Variants in AK5 observed in about 807,000 individuals in gnomAD.
AK5 encodes adenylate kinase isoenzyme 5.
A neutral mutation model predicts 69.5 loss-of-function variants in AK5; 27 were observed. The ratio of observed to expected loss-of-function variants is 0.39; its 90% CI spans 0.29 to 0.54. The LOEUF (loss-of-function observed/expected upper bound fraction) is 0.54, where lower values mean the gene tolerates loss of function less well. Among genes scored for constraint, AK5 ranks in the 20% least tolerant of loss-of-function variants. The pLI is 0.71. For synonymous variants in AK5, 260 were observed against 244.4 expected, an observed-to-expected ratio of 1.06 and a Z score of -0.60; for missense variants, 531 against 700.4, an observed-to-expected ratio of 0.76 and a Z score of 2.73.
intron 8 of AK5, among the ~76,000 whole-genome samples, chr1:77,436,072 A>G (rs2100622822): frequency 6.6e-6 from 1 of 152,300 alleles, no homozygotes; most frequent in East Asian, 1.9e-4. Flanking sequence ...TGTTATTTTG[A>G]AAAATTATTC....
intron 10 of AK5, among the ~76,000 whole-genome samples, chr1:77,497,046 C>T (rs561237403): frequency 5.9e-5 from 9 of 152,348 alleles, no homozygotes; most frequent in Non-Finnish European, 7.3e-5. Flanking sequence ...TTTGTTCTTT[C>T]GCTTTTCACA....
chr1:77,319,214 G>C (rs1660398986), intron 5 of AK5, among the ~76,000 whole-genome samples: 1 of 152,146 alleles, frequency 6.6e-6, no homozygotes, highest in Non-Finnish European at 1.5e-5. Flanking sequence ...AGAGCCAAGG[G>C]AATAAATTTC....
At chr1:77,337,965 A>AT (rs59174301) in intron 5 of AK5, among the ~76,000 whole-genome samples, 110 of 145,116 alleles carry the variant, frequency 7.6e-4, no homozygotes, top group African/African-American at 2.7e-3. Context: ...TTTTCTTTTT[A>AT]TTTTTTTTTT....
chr1:77,441,459 T>A (rs892506982), intron 8 of AK5, among the ~76,000 whole-genome samples: 1 of 152,182 alleles, frequency 6.6e-6, no homozygotes, highest in African/African-American at 2.4e-5. Flanking sequence ...AGAAAAAGAC[T>A]CATCTACAGT....
At chr1:77,555,946 C>G (rs553268473) in intron 13 of AK5, among the ~76,000 whole-genome samples, 71 of 152,190 alleles carry the variant, frequency 4.7e-4, no homozygotes, top group Non-Finnish European at 8.7e-4. Flanking sequence ...GCTGTGGGGG[C>G]CATGAACATG....
intron 6 of AK5, among the ~76,000 whole-genome samples, chr1:77,348,535 C>T (rs1662029193): frequency 6.6e-6 from 1 of 152,158 alleles, no homozygotes; most frequent in African/African-American, 2.4e-5. Context: ...ATTCCAAGAA[C>T]TGTTACTGAC....
intron 10 of AK5, among the ~76,000 whole-genome samples, chr1:77,501,980 T>A (rs1376762629): frequency 6.6e-6 from 1 of 152,110 alleles, no homozygotes; most frequent in Non-Finnish European, 1.5e-5. Flanking sequence ...AAGAAGTGAG[T>A]CTTGAACATC....
intron 8 of AK5, among the ~76,000 whole-genome samples, chr1:77,428,298 C>G (rs945510177): frequency 3.3e-5 from 5 of 152,318 alleles, no homozygotes; most frequent in African/African-American, 1.2e-4. Flanking sequence ...TTCCTCTTCT[C>G]TGTGTACTTT....
intron 8 of AK5, among the ~76,000 whole-genome samples, chr1:77,470,007 G>A (rs1654364685): frequency 6.6e-6 from 1 of 152,334 alleles, no homozygotes. Flanking sequence ...GTGCAGGAAA[G>A]GACAAACATC....
intron 6 of AK5, among the ~76,000 whole-genome samples, chr1:77,405,588 T>C (rs1290565772): frequency 1.3e-5 from 2 of 149,932 alleles, no homozygotes; most frequent in African/African-American, 5.0e-5. Context: ...ACAGAGGTGC[T>C]GGCTCTTTCA....
At chr1:77,428,718 A>T (rs1356467344) in intron 8 of AK5, among the ~76,000 whole-genome samples, 1 of 152,094 alleles carries the variant, frequency 6.6e-6, no homozygotes, top group Non-Finnish European at 1.5e-5. Flanking sequence ...TTGTCATTTA[A>T]CATTAGGTAT....
intron 8 of AK5, among the ~76,000 whole-genome samples, chr1:77,475,420 ATATATTATATATATG>A (rs1557620031): frequency 0.42 from 6,197 of 14,612 alleles, 524 homozygotes; most frequent in East Asian, 0.57. Context: ...TATATATACT[ATATATTATATATATG>A]TATATATATT....
At chr1:77,541,855 A>T (rs1194101710) in intron 13 of AK5, among the ~76,000 whole-genome samples, 1 of 152,106 alleles carries the variant, frequency 6.6e-6, no homozygotes, top group African/African-American at 2.4e-5. Context: ...GAGAGAAATG[A>T]TGTGGTTGGC....
intron 6 of AK5, among the ~76,000 whole-genome samples, chr1:77,392,890 AG>A (rs1320471295): frequency 2.0e-5 from 3 of 151,970 alleles, no homozygotes; most frequent in Non-Finnish European, 2.9e-5. Context: ...CCTTCCAACC[AG>A]GACATAGTAG....
chr1:77,315,166 C>G (rs544850434), intron 5 of AK5: 1 of 152,204 alleles, frequency 6.6e-6, no homozygotes, highest in African/African-American at 2.4e-5. Flanking sequence ...TGGAAACTCT[C>G]TCTTATTCTT....
At chr1:77,393,740 C>T (rs940810521) in intron 6 of AK5, among the ~76,000 whole-genome samples, 7 of 152,092 alleles carry the variant, frequency 4.6e-5, no homozygotes, top group African/African-American at 9.7e-5. Flanking sequence ...AGGAAAGAAG[C>T]TTAGAGAATC....
intron 13 of AK5, among the ~76,000 whole-genome samples, chr1:77,538,750 T>C (rs1659120363): frequency 6.6e-6 from 1 of 152,206 alleles, no homozygotes; most frequent in Non-Finnish European, 1.5e-5. Flanking sequence ...TAACCACTTT[T>C]AGAGTTGGAA....
At chr1:77,362,566 A>G (rs1646883820) in intron 6 of AK5, among the ~76,000 whole-genome samples, 1 of 152,222 alleles carries the variant, frequency 6.6e-6, no homozygotes, top group South Asian at 2.1e-4. Context: ...TAAGACTCAT[A>G]AAGTTACACA....
rs185331297 is a variant in AK5 at position 77,425,047 on chromosome 1, G to T, written c.1059+7332G>T. 2.4e-3 allele frequency among the ~76,000 whole-genome samples: 373 copies of T among 152,280 alleles called. 3 individuals carry two copies. Among genetic ancestry groups the T allele is most frequent in the East Asian group, 2.5e-3 (13 of 5,190 alleles). On this transcript the variant is annotated intron_variant, in intron 8 of 13. Transcript: ENST00000354567. ...TTAAAAATGCCTTACCTGTAGTAGA[G>T]CGAAGATCAAAATCATTTTTACTTT...
Sources: allele counts gnomAD v4.1 joint callset (sites outside exome capture counted in the v4.1 genomes callset), GRCh38; gene constraint gnomAD v4.1.1; transcripts MANE v1.5; gene names NCBI Gene and HGNC (gene_info 2026-07-23, HGNC 2026-07-21).